ANK3: variants seen among roughly 807,000 people sequenced by gnomAD.
The protein encoded by ANK3 is ankyrin 3.
Under a neutral mutation model 370.9 loss-of-function variants are expected in ANK3, and 57 were observed. The observed-to-expected ratio is 0.15, with a 90% CI of 0.12 to 0.19. ANK3 has a LOEUF of 0.19. Ranked by LOEUF, ANK3 falls within the 10% of genes least tolerant of loss-of-function variation. The pLI is 1.00. For missense variants in ANK3, 4,439 were observed against 5,302.1 expected, an observed-to-expected ratio of 0.84 and a Z score of 5.06; for synonymous variants, 1,929 against 1,946.3, an observed-to-expected ratio of 0.99 and a Z score of 0.23.
At chr10:60,318,115 G>A (rs996035503) in intron 1 of ANK3, among the ~76,000 whole-genome samples, 1 of 152,104 alleles carries the variant, frequency 6.6e-6, no homozygotes, top group Non-Finnish European at 1.5e-5. Flanking sequence ...AAAATTTTAA[G>A]TTCTGGGATA....
At chr10:60,151,621 G>C (rs2095120452) in intron 23 of ANK3, among the ~76,000 whole-genome samples, 1 of 152,070 alleles carries the variant, frequency 6.6e-6, no homozygotes, top group Non-Finnish European at 1.5e-5. Flanking sequence ...ATCTGTTTCA[G>C]CCACCATGCT....
chr10:60,404,437 A>G (rs1394440838), intron 2 of ANK3, among the ~76,000 whole-genome samples: 1 of 152,178 alleles, frequency 6.6e-6, no homozygotes, highest in Non-Finnish European at 1.5e-5. Context: ...TTACACTTAT[A>G]TCATTGATTT....
intron 41 of ANK3, among the ~76,000 whole-genome samples, chr10:60,058,417 G>A (rs1480790112): frequency 6.6e-6 from 1 of 151,990 alleles, no homozygotes; most frequent in African/African-American, 2.4e-5. Flanking sequence ...AAAGACAAAT[G>A]TTCATCATGG....
chr10:60,162,409 G>C (rs1237041585), intron 23 of ANK3, among the ~76,000 whole-genome samples: 1 of 152,104 alleles, frequency 6.6e-6, no homozygotes, highest in African/African-American at 2.4e-5. Flanking sequence ...GTGTATTTGG[G>C]CTTTCCTACC....
chr10:60,440,891 T>C (rs2064283482), intron 2 of ANK3, among the ~76,000 whole-genome samples: 1 of 152,188 alleles, frequency 6.6e-6, no homozygotes, highest in South Asian at 2.1e-4. Context: ...TAACAGTAGA[T>C]ACATTTTAAA....
intron 1 of ANK3, among the ~76,000 whole-genome samples, chr10:60,319,267 G>T (rs1256900716): frequency 6.6e-6 from 1 of 152,210 alleles, no homozygotes; most frequent in Non-Finnish European, 1.5e-5. Context: ...TACCTGAGAT[G>T]TAAGGTACTC....
At chr10:60,197,760 C>T (rs554562176) in intron 14 of ANK3, among the ~76,000 whole-genome samples, 1 of 152,276 alleles carries the variant, frequency 6.6e-6, no homozygotes, top group South Asian at 2.1e-4. Context: ...ACTTGCAAGG[C>T]TTATGTAGTA....
chr10:60,186,759 A>G lies in ANK3; in HGVS notation c.2041T>C (p.Ser681Pro), dbSNP rs1002667407. ...AAQEGHVDMV[S>P]LLLGRNANVN... Reference sequence around the variant, plus strand: ...TTCGCATTTCTACCGAGGAGCAGCGACACCATGTCCACGTGCCCTTCCTGA... The same window carrying G: ...TTCGCATTTCTACCGAGGAGCAGCGGCACCATGTCCACGTGCCCTTCCTGA... The change falls in exon 17 of 44, where the codon TCG becomes CCG. Residue 681 changes from serine (S) to proline (P), a missense_variant. Coordinates refer to ENST00000280772, the MANE Select transcript of ANK3 (RefSeq NM_020987.5). 12 of 1,614,016 alleles carry G rather than the reference A, an allele frequency of 7.4e-6. No individual in the cohort carries two copies. The South Asian group carries it at 1.3e-4, about 18-fold the overall frequency.
chr10:60,112,236 G>A lies in ANK3; in HGVS notation c.2948+1989C>T, dbSNP rs185130416. Among the ~76,000 whole-genome samples the A allele has an allele frequency of 3.4e-3, 520 of 151,862 alleles. 7 individuals are homozygous for A. The highest frequency in any genetic ancestry group is 3.2e-3 in the Non-Finnish European group (217 of 67,912). ...GTCTTTGATTTGTAGAGAATACAAA[G>A]TGATGGTTTCAGGTCTTTGAAATAT... On this transcript the variant is annotated intron_variant, in intron 26 of 43. Transcript: ENST00000280772.
chr10:60,427,158 C>A (rs951039996), intron 2 of ANK3, among the ~76,000 whole-genome samples: 3 of 152,058 alleles, frequency 2.0e-5, no homozygotes, highest in Admixed American at 2.0e-4. Context: ...CCCAACATTC[C>A]AATTTAGGTA....
At chr10:60,733,460 C>T (rs114221106) in exon 1 of ANK3, 2 of 730,924 alleles carry the variant, frequency 2.7e-6, no homozygotes, top group African/African-American at 1.8e-5. Flanking sequence ...CCGCGACGCC[C>T]GCCCAGCGCG....
chr10:60,571,178 C>A (rs1017299315), intron 2 of ANK3, among the ~76,000 whole-genome samples: 1 of 151,840 alleles, frequency 6.6e-6, no homozygotes, highest in African/African-American at 2.4e-5. Context: ...CATCATCAAC[C>A]CTTGCCAAGG....
intron 1 of ANK3, among the ~76,000 whole-genome samples, chr10:60,653,622 T>A (rs951434964): frequency 1.3e-5 from 2 of 152,116 alleles, no homozygotes; most frequent in African/African-American, 4.8e-5. Flanking sequence ...GTTATCTCAG[T>A]ACTTTGGGAG....
intron 41 of ANK3, among the ~76,000 whole-genome samples, chr10:60,056,861 C>T (rs2079274236): frequency 6.6e-6 from 1 of 151,958 alleles, no homozygotes; most frequent in African/African-American, 2.4e-5. Context: ...ATGTCTCTAC[C>T]AAAAAACTAC....
At chr10:60,223,942 C>CTTTT (rs547189220) in intron 8 of ANK3, among the ~76,000 whole-genome samples, 12 of 145,206 alleles carry the variant, frequency 8.3e-5, no homozygotes, top group African/African-American at 3.0e-4. Context: ...TAGAGCCACG[C>CTTTT]TTTTTTTTTT....
intron 1 of ANK3, among the ~76,000 whole-genome samples, chr10:60,664,116 G>T (rs1288752099): frequency 6.6e-6 from 1 of 152,192 alleles, no homozygotes; most frequent in Non-Finnish European, 1.5e-5. Context: ...GCAGAAAGAG[G>T]ACACGTGAGA....
At chr10:60,601,189 A>ACACACG (rs1459203699) in intron 2 of ANK3, among the ~76,000 whole-genome samples, 3 of 151,624 alleles carry the variant, frequency 2.0e-5, no homozygotes, top group Non-Finnish European at 4.4e-5. Flanking sequence ...ACACACACAC[A>ACACACG]CACACACATA....
At chr10:60,124,015 A>G (rs553650912) in intron 25 of ANK3, among the ~76,000 whole-genome samples, 73 of 152,346 alleles carry the variant, frequency 4.8e-4, no homozygotes, top group African/African-American at 1.7e-3. Context: ...CCATTTCTGC[A>G]TTAGGGTGAC....
intron 2 of ANK3, among the ~76,000 whole-genome samples, chr10:60,530,748 T>G (rs988826905): frequency 3.3e-5 from 5 of 151,698 alleles, no homozygotes; most frequent in Non-Finnish European, 7.4e-5. Flanking sequence ...AGTTAACACC[T>G]TAGCTCCACT....
Sources: allele counts gnomAD v4.1 joint callset (sites outside exome capture counted in the v4.1 genomes callset), GRCh38; gene constraint gnomAD v4.1.1; transcripts MANE v1.5; gene names NCBI Gene and HGNC (gene_info 2026-07-23, HGNC 2026-07-21).